The following ADAMTSL1 variants were observed in gnomAD, a reference collection of about 807,000 sequenced individuals.
ADAMTSL1 encodes the protein ADAMTS like 1, also known as ADAMTS-like protein 1.
A neutral mutation model predicts 201.8 loss-of-function variants in ADAMTSL1; 126 were observed. The ratio of observed to expected loss-of-function variants is 0.62; its 90% CI spans 0.54 to 0.72. The LOEUF (loss-of-function observed/expected upper bound fraction) is 0.72. Among genes scored for constraint, ADAMTSL1 ranks in the 30% least tolerant of loss-of-function variants. The pLI is 0.00. For missense variants in ADAMTSL1, 2,679 were observed against 2,277.8 expected (o/e 1.18, Z -3.59); for synonymous variants, 1,121 against 903.4 (o/e 1.24, Z -4.32).
At chr9:18,056,571 T>C (rs1324644347) in intron 1 of ADAMTSL1, among the ~76,000 whole-genome samples, 2 of 152,094 alleles carry the variant, frequency 1.3e-5, no homozygotes, top group Non-Finnish European at 2.9e-5. Flanking sequence ...GCGAGGTATA[T>C]TTCTGTGGGA....
intron 1 of ADAMTSL1, among the ~76,000 whole-genome samples, chr9:18,074,705 C>G (rs142375672): frequency 5.3e-5 from 8 of 152,058 alleles, no homozygotes; most frequent in Non-Finnish European, 1.0e-4. Context: ...ATTCTCCTGC[C>G]TCAGCCTCCC....
chr9:18,908,705 A>G lies in ADAMTSL1; in HGVS notation c.*157A>G, dbSNP rs1830446728. 1 of 603,706 alleles carries G rather than the reference A, an allele frequency of 1.7e-6. No homozygotes were observed. The highest frequency in any genetic ancestry group is 1.9e-5 in the African/African-American group (1 of 53,606). The allele number at this position is 603,706 out of a possible 1,614,324, so 37.4% of individuals were successfully genotyped here. On this transcript the variant is annotated 3_prime_UTR_variant, in exon 29 of 29. Transcript: ENST00000380548. ...TCCTCCACCTCCACCTTCAAGCATA[A>G]GGACGTCCGCGTGTTTTCTCTTTCA...
At chr9:18,521,003 G>A (rs1434381734) in intron 2 of ADAMTSL1, among the ~76,000 whole-genome samples, 3 of 151,978 alleles carry the variant, frequency 2.0e-5, no homozygotes, top group Admixed American at 6.6e-5. Context: ...CTCTGTTTCC[G>A]CCTTTCCACT....
At chr9:18,284,597 C>T (rs1407686972) in intron 2 of ADAMTSL1, among the ~76,000 whole-genome samples, 3 of 152,194 alleles carry the variant, frequency 2.0e-5, no homozygotes, top group Non-Finnish European at 2.9e-5. Context: ...ACCAGGCAGT[C>T]TGAGTCCAAA....
intron 3 of ADAMTSL1, among the ~76,000 whole-genome samples, chr9:18,570,313 T>G (rs2132336133): frequency 6.6e-6 from 1 of 152,230 alleles, no homozygotes; most frequent in South Asian, 2.1e-4. Flanking sequence ...AACCAAAACC[T>G]TTGTAGATGG....
chr9:18,566,554 T>C (rs1197765211), intron 3 of ADAMTSL1, among the ~76,000 whole-genome samples: 1 of 152,140 alleles, frequency 6.6e-6, no homozygotes, highest in Non-Finnish European at 1.5e-5. Flanking sequence ...GGAGGTGATA[T>C]TTGAGCAAAG....
intron 23 of ADAMTSL1, among the ~76,000 whole-genome samples, chr9:18,863,821 T>C (rs1256928863): frequency 6.6e-6 from 1 of 152,146 alleles, no homozygotes; most frequent in Non-Finnish European, 1.5e-5. Context: ...ACACACCACA[T>C]ACCACGAGCA....
At chr9:18,843,443 C>A (rs1335626172) in intron 23 of ADAMTSL1, among the ~76,000 whole-genome samples, 1 of 150,850 alleles carries the variant, frequency 6.6e-6, no homozygotes, top group South Asian at 2.1e-4. Context: ...GGTAACCCGA[C>A]CTTTCTCTCT....
intron 1 of ADAMTSL1, among the ~76,000 whole-genome samples, chr9:18,060,189 G>A (rs956911024): frequency 6.6e-6 from 1 of 152,032 alleles, no homozygotes; most frequent in African/African-American, 2.4e-5. Flanking sequence ...TTTTTTAAGT[G>A]CAATTGGCAG....
chr9:17,972,561 TG>T (rs1818255646), intron 1 of ADAMTSL1, among the ~76,000 whole-genome samples: 1 of 152,072 alleles, frequency 6.6e-6, no homozygotes, highest in East Asian at 1.9e-4. Context: ...TCCAGTCTAC[TG>T]TTGTTGGACA....
chr9:18,795,619 G>A, intron 20 of ADAMTSL1, 95 bp downstream of exon 20: 6 of 1,328,048 alleles, frequency 4.5e-6, no homozygotes, highest in Non-Finnish European at 6.1e-6. Flanking sequence ...ATAGATAAAG[G>A]AGACCCAGAT....
At chr9:18,000,313 C>A (rs1819560581) in intron 1 of ADAMTSL1, among the ~76,000 whole-genome samples, 1 of 151,994 alleles carries the variant, frequency 6.6e-6, no homozygotes, top group Non-Finnish European at 1.5e-5. Flanking sequence ...AAAAGTCAGA[C>A]ACTTTTTTTC....
At chr9:18,414,384 A>G (rs1818581426) in intron 2 of ADAMTSL1, among the ~76,000 whole-genome samples, 1 of 152,198 alleles carries the variant, frequency 6.6e-6, no homozygotes, top group Admixed American at 6.5e-5. Context: ...TATTTTTTTC[A>G]ACATAAACAG....
At position 18,892,477 on chromosome 9, in the gene ADAMTSL1, T is replaced by C; in HGVS notation, c.4732T>C (p.Ser1578Pro). The C allele has an allele frequency of 2.5e-6, 4 of 1,612,246 alleles. No homozygotes were observed. The highest frequency in any genetic ancestry group is 3.4e-6 in the Non-Finnish European group (4 of 1,179,330). The change falls in exon 26 of 29, where the codon TCT (serine) becomes CCT (proline). Residue 1578 changes from serine (S) to proline (P), a missense_variant. Physicochemically the swap from Ser to Pro is moderately conservative, Grantham distance 74. Transcript: ENST00000380548. ...RRVTCQKLKA[S>P]GISTPVSNDM... Reference sequence around the variant, plus strand: ...GGTGACCTGTCAAAAGCTGAAAGCCTCTGGGATCTCCACCCCTGTGTCCAA... The same window carrying C: ...GGTGACCTGTCAAAAGCTGAAAGCCCCTGGGATCTCCACCCCTGTGTCCAA...
At chr9:18,317,472 TTTGA>T (rs1428663498) in intron 2 of ADAMTSL1, among the ~76,000 whole-genome samples, 2 of 152,132 alleles carry the variant, frequency 1.3e-5, no homozygotes, top group Admixed American at 6.5e-5. Flanking sequence ...AGTTAGCTAA[TTTGA>T]TTGTGATAAT....
chr9:18,199,410 A>G (rs140071469), intron 2 of ADAMTSL1, among the ~76,000 whole-genome samples: 8 of 152,172 alleles, frequency 5.3e-5, no homozygotes, highest in South Asian at 2.1e-4. Context: ...ATATAAGACA[A>G]TTGATCACTA....
chr9:18,841,426 G>A (rs1236015668), intron 23 of ADAMTSL1, among the ~76,000 whole-genome samples: 1 of 152,110 alleles, frequency 6.6e-6, no homozygotes. Context: ...ATGTGCTGCT[G>A]GATTCGGTTT....
In ADAMTSL1 at chr9:18,596,702, T is replaced by G. The variant is rs562242737; in HGVS notation, c.474+22436T>G. ...GAGGAAAATGAGGTTATGAGAGATT[T>G]TGTATTGTTGATTTATTCATTCAAC... is the stretch of plus-strand genomic sequence containing the variant. On this transcript the variant is annotated intron_variant, in intron 4 of 28. Coordinates refer to ENST00000380548, the MANE Select transcript of ADAMTSL1 (RefSeq NM_001040272.6). Among the ~76,000 whole-genome samples, 10 of 152,300 alleles carry G rather than the reference T, an allele frequency of 6.6e-5. No homozygotes were observed. The South Asian group carries it at 2.1e-3, about 32-fold the overall frequency.
intron 2 of ADAMTSL1, among the ~76,000 whole-genome samples, chr9:18,418,732 C>T (rs1818805350): frequency 6.6e-6 from 1 of 152,052 alleles, no homozygotes; most frequent in Non-Finnish European, 1.5e-5. Context: ...TATTTATGGA[C>T]AAGAATACTT....
Sources: gnomAD v4.1 joint callset for allele counts (sites outside exome capture counted in the v4.1 genomes callset) on GRCh38, gnomAD v4.1.1 for gene constraint, MANE v1.5 for transcripts, NCBI Gene and HGNC (gene_info 2026-07-23, HGNC 2026-07-21) for gene names.